ARMH4: variants seen among roughly 807,000 people sequenced by gnomAD.
The protein encoded by ARMH4 is armadillo-like helical domain-containing protein 4.
Under a neutral mutation model 61.9 loss-of-function variants are expected in ARMH4, and 49 were observed. That is an observed-to-expected ratio of 0.79 (90% CI 0.63 to 1.00). The LOEUF is 1.00. ARMH4 is among the 50% of genes least tolerant of loss of function. The pLI is 0.00. For missense variants in ARMH4, 934 were observed against 930.0 expected (o/e 1.00, Z -0.06); for synonymous variants, 368 against 341.5 (o/e 1.08, Z -0.85).
At chr14:58,133,373 CA>C in intron 2 of ARMH4, 32 bp from the exon 3 acceptor site, 1 of 1,541,994 alleles carries the variant, frequency 6.5e-7, no homozygotes. Context: ...AAAAATAGAC[CA>C]AATCCCTATT....
At chr14:58,101,656 CTTTG>C (rs935743597) in intron 4 of ARMH4, 22 of 150,376 alleles carry the variant, frequency 1.5e-4, no homozygotes, top group African/African-American at 4.9e-4. Context: ...TTTTTCACAA[CTTTG>C]TTTGGAGATT....
intron 5 of ARMH4, among the ~76,000 whole-genome samples, chr14:58,083,776 C>A (rs969168103): frequency 1.3e-5 from 2 of 152,200 alleles, no homozygotes; most frequent in Non-Finnish European, 2.9e-5. Context: ...ACAACCCTTG[C>A]TGACTGGAAA....
At chr14:58,091,194 A>G (rs1190938111) in intron 5 of ARMH4, among the ~76,000 whole-genome samples, 1 of 152,134 alleles carries the variant, frequency 6.6e-6, no homozygotes, top group African/African-American at 2.4e-5. Flanking sequence ...CCTGGGCAAC[A>G]AAGTAAGACT....
In ARMH4 at chr14:58,001,939, G is replaced by C. The variant is rs554827426; in HGVS notation, c.*2797C>G. 16 of 152,296 alleles carry C rather than the reference G, an allele frequency of 1.1e-4. No homozygotes were observed. The East Asian group carries it at 3.1e-3, about 29-fold the overall frequency. The allele number at this position is 152,296 out of a possible 1,614,324, so 9.4% of individuals were successfully genotyped here. ...AGTGGGGATGGTGTTCACAACTGAA[G>C]CTGCAGGAATCAGCCCTCCTTTCCA... On this transcript the variant is annotated 3_prime_UTR_variant, in exon 8 of 8. Coordinates refer to ENST00000267485, the MANE Select transcript of ARMH4 (RefSeq NM_001001872.4).
chr14:58,063,629 G>A (rs892715833), intron 5 of ARMH4, among the ~76,000 whole-genome samples: 36 of 133,474 alleles, frequency 2.7e-4, no homozygotes, highest in African/African-American at 1.1e-3. Context: ...ATCATTTTTA[G>A]AACTCTGCTT....
chr14:58,043,024 T>C (rs1008395929), intron 5 of ARMH4, among the ~76,000 whole-genome samples: 30 of 152,170 alleles, frequency 2.0e-4, no homozygotes, highest in African/African-American at 7.0e-4. Flanking sequence ...CTACCACAGG[T>C]ACAAGGAGGA....
In ARMH4 at chr14:58,005,045, T is replaced by A. The variant is rs748981219; in HGVS notation, c.2256+3A>T. 1.2e-6 allele frequency: 2 copies of A among 1,614,050 alleles called. No homozygotes were observed. The highest frequency in any genetic ancestry group is 2.7e-5 in the African/African-American group (2 of 75,040). ...TTAGGTTTTGCTGTTGTTGGTTCCA[T>A]ACCTTTCTTTTATGCCTTTTGAAGC... is the stretch of plus-strand genomic sequence containing the variant. On this transcript the variant is annotated splice_donor_region_variant and intron_variant, in intron 7 of 7. Transcript: ENST00000267485.
chr14:58,122,310 G>A (rs768018691), intron 4 of ARMH4, among the ~76,000 whole-genome samples: 8 of 152,132 alleles, frequency 5.3e-5, no homozygotes, highest in Non-Finnish European at 1.2e-4. Context: ...GAAGGACTAA[G>A]GAAAACTAGG....
At chr14:58,147,269 C>T (rs949394298) in intron 1 of ARMH4, among the ~76,000 whole-genome samples, 2 of 151,402 alleles carry the variant, frequency 1.3e-5, no homozygotes, top group Non-Finnish European at 2.9e-5. Context: ...CATTGATAAC[C>T]TTGTCTAGGC....
At chr14:58,136,714 T>C (rs568408970) in intron 2 of ARMH4, among the ~76,000 whole-genome samples, 1 of 152,334 alleles carries the variant, frequency 6.6e-6, no homozygotes, top group South Asian at 2.1e-4. Flanking sequence ...TACATTACAC[T>C]AAGCTTTTCC....
rs2141119658 is a variant in ARMH4 at position 58,003,029 on chromosome 14, G to A, written c.*1707C>T. On this transcript the variant is annotated 3_prime_UTR_variant, in exon 8 of 8. Coordinates refer to ENST00000267485, the MANE Select transcript of ARMH4 (RefSeq NM_001001872.4). Reference sequence around the variant, plus strand: ...AGAGGTGATACTCAAATGTATGACTGTAAAGGAAATAACTGATAACTGAGA... The same window carrying A: ...AGAGGTGATACTCAAATGTATGACTATAAAGGAAATAACTGATAACTGAGA... 7.3e-6 allele frequency: 1 copy of A among 136,264 alleles called. No individual in the cohort carries two copies. Among genetic ancestry groups the A allele is most frequent in the East Asian group, 2.7e-4 (1 of 3,660 alleles). 8.4% of individuals were successfully genotyped at this position (136,264 alleles called of 1,614,324 possible). A position where few individuals can be genotyped will look rare whatever the true frequency, so the allele number is the denominator to read the frequency against.
intron 4 of ARMH4, among the ~76,000 whole-genome samples, chr14:58,129,625 T>C (rs1357704235): frequency 2.6e-5 from 4 of 152,162 alleles, no homozygotes; most frequent in Admixed American, 6.5e-5. Context: ...GCATTGAAAA[T>C]AGAGGCCTCC....
intron 4 of ARMH4, 156 bp downstream of exon 4, chr14:58,131,356 A>T (rs1246736340): frequency 1.8e-6 from 1 of 552,878 alleles, no homozygotes; most frequent in Non-Finnish European, 3.2e-6. Context: ...ACCATTCAAA[A>T]ACAAGTGGCA....
rs147481785 is a variant in ARMH4 at position 58,011,729 on chromosome 14, C to A, written c.2121+390G>T. Among the ~76,000 whole-genome samples, 5 of 146,070 alleles carry A rather than the reference C, an allele frequency of 3.4e-5. No homozygotes were observed. In the East Asian group the frequency reaches 8.1e-4, roughly 24 times the overall value. ...AATCAATACCTACTAAGTGGCAGCA[C>A]TGTGATAAACTACACACCTAGAGAG... On this transcript the variant is annotated intron_variant, in intron 6 of 7. Transcript: ENST00000267485.
intron 5 of ARMH4, among the ~76,000 whole-genome samples, chr14:58,057,209 G>T (rs1884373969): frequency 6.6e-6 from 1 of 152,188 alleles, no homozygotes; most frequent in Non-Finnish European, 1.5e-5. Context: ...AATTGTCTAA[G>T]AAATACAATA....
chr14:58,139,190 T>C lies in ARMH4; in HGVS notation c.169A>G (p.Asn57Asp). Residue 57 changes from asparagine (N) to aspartate (D), a missense_variant, in exon 2 of 8, where the codon AAT (asparagine) becomes GAT (aspartate). By Grantham distance (23) the Asn-to-Asp change is conservative (BLOSUM62 1). Transcript: ENST00000267485. Reference sequence around the variant, plus strand: ...GTCTGCTTTGAGGTAACAGAGCTATTTTCTAGGTCATCGGTGTTCATCTTA... The same window carrying C: ...GTCTGCTTTGAGGTAACAGAGCTATCTTCTAGGTCATCGGTGTTCATCTTA... ...SDKMNTDDLE[N>D]SSVTSKQTPQ... 6.2e-7 allele frequency: 1 copy of C among 1,614,212 alleles called. No individual in the cohort carries two copies. Among genetic ancestry groups the C allele is most frequent in the African/African-American group, 1.3e-5 (1 of 75,062 alleles).
rs535557034 is a variant in ARMH4 at position 58,018,568 on chromosome 14, C to T, written c.2090-6418G>A. ...AGTGAAAAGCAAATTAAATGTACAA[C>T]GAGATATGAATTCACACCTATTAGA... On this transcript the variant is annotated intron_variant, in intron 5 of 7. Transcript: ENST00000267485. 5.3e-4 allele frequency among the ~76,000 whole-genome samples: 81 copies of T among 151,598 alleles called. 1 individual carries two copies. The South Asian group carries it at 6.7e-3, about 12-fold the overall frequency.
intron 5 of ARMH4, among the ~76,000 whole-genome samples, chr14:58,026,268 A>G (rs1193851433): frequency 6.6e-6 from 1 of 151,862 alleles, no homozygotes; most frequent in Non-Finnish European, 1.5e-5. Context: ...AATATTCAAC[A>G]TTGCTTCCCA....
intron 5 of ARMH4, among the ~76,000 whole-genome samples, chr14:58,094,598 T>C (rs1270499896): frequency 6.6e-6 from 1 of 152,230 alleles, no homozygotes; most frequent in Non-Finnish European, 1.5e-5. Context: ...CATGTGTGTA[T>C]GTTATATATA....
Sources: gnomAD v4.1 joint callset for allele counts (sites outside exome capture counted in the v4.1 genomes callset) on GRCh38, gnomAD v4.1.1 for gene constraint, MANE v1.5 for transcripts, NCBI Gene and HGNC (gene_info 2026-07-23, HGNC 2026-07-21) for gene names.